Variants in ADCY2 observed in about 807,000 individuals in gnomAD.
ADCY2 encodes adenylate cyclase type 2.
In ADCY2, 31 loss-of-function variants were observed where a neutral mutation model predicts 125.2. The ratio of observed to expected loss-of-function variants is 0.25; its 90% CI spans 0.19 to 0.33. The LOEUF (loss-of-function observed/expected upper bound fraction) is 0.33, where lower values mean the gene tolerates loss of function less well. ADCY2 is among the 10% of genes least tolerant of loss of function. The probability of loss-of-function intolerance (pLI) is 1.00; values close to 1 mark genes in which losing one functional copy is unlikely to be tolerated. For synonymous variants in ADCY2, 512 were observed against 548.4 expected, an observed-to-expected ratio of 0.93 and a Z score of 0.93; for missense variants, 904 against 1,418.2, an observed-to-expected ratio of 0.64 and a Z score of 5.82.
chr5:7,793,380 G>A (rs988771318), intron 20 of ADCY2, among the ~76,000 whole-genome samples: 1 of 152,214 alleles, frequency 6.6e-6, no homozygotes, highest in African/African-American at 2.4e-5. Context: ...CAACCCAGGA[G>A]GCAGAAATTG....
At chr5:7,594,659 T>G (rs1275966951) in intron 3 of ADCY2, among the ~76,000 whole-genome samples, 1 of 152,226 alleles carries the variant, frequency 6.6e-6, no homozygotes, top group Non-Finnish European at 1.5e-5. Context: ...TAAATCTTGA[T>G]GAGAGCAGGG....
intron 4 of ADCY2, among the ~76,000 whole-genome samples, chr5:7,655,680 G>T (rs888165253): frequency 1.3e-5 from 2 of 152,202 alleles, no homozygotes; most frequent in Non-Finnish European, 2.9e-5. Flanking sequence ...CAGAAATCAT[G>T]GCTCATCTGG....
rs1003022825 is a variant in ADCY2, at chr5:7,518,155, G to C, written c.409-2583G>C. ...AAAGAAACCTTTCTGATAGCTCAGTGGTTCTCAGTCAGATTCGTTGGAGAC... is the reference window on the plus strand; with the variant it reads ...AAAGAAACCTTTCTGATAGCTCAGTCGTTCTCAGTCAGATTCGTTGGAGAC... On this transcript the variant is annotated intron_variant, in intron 2 of 24. Coordinates refer to ENST00000338316, the MANE Select transcript of ADCY2 (RefSeq NM_020546.3). Among the ~76,000 whole-genome samples the C allele has an allele frequency of 8.5e-5, 13 of 152,176 alleles. No individual in the cohort carries two copies. The South Asian group carries it at 1.0e-3, about 12-fold the overall frequency.
intron 2 of ADCY2, among the ~76,000 whole-genome samples, chr5:7,473,515 C>T (rs925340522): frequency 2.0e-5 from 3 of 152,158 alleles, no homozygotes; most frequent in African/African-American, 7.2e-5. Context: ...TAGGCCCTGC[C>T]TCCAACATTG....
chr5:7,714,345 T>C (rs1741531280), intron 11 of ADCY2, among the ~76,000 whole-genome samples: 1 of 152,240 alleles, frequency 6.6e-6, no homozygotes, highest in Admixed American at 6.5e-5. Flanking sequence ...AGTCTATTTA[T>C]AGAAGTTACG....
chr5:7,521,978 A>G (rs17827008), intron 3 of ADCY2, among the ~76,000 whole-genome samples: 12,666 of 152,146 alleles, frequency 0.083, 744 homozygotes, highest in Non-Finnish European at 0.13. Context: ...TTGTTTGGAT[A>G]TTACTAAGAA....
At chr5:7,550,436 A>G (rs2126572955) in intron 3 of ADCY2, among the ~76,000 whole-genome samples, 1 of 152,316 alleles carries the variant, frequency 6.6e-6, no homozygotes, top group Non-Finnish European at 1.5e-5. Flanking sequence ...GTTCTATGGG[A>G]ATATCTCAAT....
intron 2 of ADCY2, among the ~76,000 whole-genome samples, chr5:7,472,844 C>T (rs1009440133): frequency 1.3e-5 from 2 of 152,072 alleles, no homozygotes; most frequent in African/African-American, 4.8e-5. Context: ...TATACTGGTT[C>T]CTGCTCCACT....
chr5:7,785,062 T>A (rs1362780787), intron 19 of ADCY2, among the ~76,000 whole-genome samples: 1 of 152,234 alleles, frequency 6.6e-6, no homozygotes. Context: ...ACTACAAGAC[T>A]CATCTGAAGC....
At chr5:7,772,150 G>C (rs1374823687) in intron 17 of ADCY2, among the ~76,000 whole-genome samples, 1 of 152,182 alleles carries the variant, frequency 6.6e-6, no homozygotes, top group Non-Finnish European at 1.5e-5. Context: ...AAGCAAGTTA[G>C]GTCACTGGCT....
chr5:7,495,324 G>C (rs1209949645), intron 2 of ADCY2, among the ~76,000 whole-genome samples: 1 of 152,140 alleles, frequency 6.6e-6, no homozygotes, highest in Non-Finnish European at 1.5e-5. Flanking sequence ...TCTGTGTCAG[G>C]AATTTCGAGC....
chr5:7,829,883 G>A lies in ADCY2; in HGVS notation c.*3012G>A, dbSNP rs1579489957. The A allele has an allele frequency of 6.6e-6, 1 of 152,240 alleles. No homozygotes were observed. The highest frequency in any genetic ancestry group is 1.9e-4 in the East Asian group (1 of 5,162). 9.4% of individuals were successfully genotyped at this position (152,240 alleles called of 1,614,324 possible). The stretch of plus-strand genomic sequence containing the variant: ...ACTTAAGCCCAGGAGTCTGAGACCA[G>A]CCTGGGCAACATAGCAAGACCCCCA... On this transcript the variant is annotated 3_prime_UTR_variant, in exon 25 of 25. Coordinates refer to ENST00000338316, the MANE Select transcript of ADCY2 (RefSeq NM_020546.3).
At chr5:7,640,174 A>G (rs1393070573) in intron 4 of ADCY2, among the ~76,000 whole-genome samples, 2 of 152,240 alleles carry the variant, frequency 1.3e-5, no homozygotes, top group Non-Finnish European at 2.9e-5. Flanking sequence ...AGTACTTAAC[A>G]TAATTATTAT....
At chr5:7,706,036 A>G (rs1323673151) in intron 7 of ADCY2, among the ~76,000 whole-genome samples, 1 of 152,222 alleles carries the variant, frequency 6.6e-6, no homozygotes, top group Non-Finnish European at 1.5e-5. Flanking sequence ...CGATGTAACT[A>G]GGAACATCTT....
intron 3 of ADCY2, among the ~76,000 whole-genome samples, chr5:7,603,473 G>A (rs10041139): frequency 0.035 from 5,258 of 152,218 alleles, 303 homozygotes; most frequent in African/African-American, 0.12. Flanking sequence ...TTAACTCCCA[G>A]GTTGATAAAT....
At chr5:7,427,692 A>G (rs927719102) in intron 2 of ADCY2, among the ~76,000 whole-genome samples, 1 of 152,182 alleles carries the variant, frequency 6.6e-6, no homozygotes, top group Non-Finnish European at 1.5e-5. Context: ...CTTATTTCCA[A>G]ATAAGGTCAC....
chr5:7,783,392 G>T (rs1186286901), intron 18 of ADCY2, among the ~76,000 whole-genome samples: 1 of 152,108 alleles, frequency 6.6e-6, no homozygotes, highest in Non-Finnish European at 1.5e-5. Flanking sequence ...GGAAAGTGAC[G>T]TTTGAAGCGG....
chr5:7,763,905 G>T (rs892653711), intron 16 of ADCY2, among the ~76,000 whole-genome samples: 21 of 152,146 alleles, frequency 1.4e-4, no homozygotes, highest in African/African-American at 5.1e-4. Flanking sequence ...AGGCTGCCCT[G>T]ACCTGTCCCT....
At chr5:7,409,381 A>T (rs1739626532) in intron 1 of ADCY2, among the ~76,000 whole-genome samples, 1 of 152,234 alleles carries the variant, frequency 6.6e-6, no homozygotes, top group Non-Finnish European at 1.5e-5. Context: ...CCTGAACTTA[A>T]ATGTTAAAAA....
Sources: gnomAD v4.1 joint callset for allele counts (sites outside exome capture counted in the v4.1 genomes callset) on GRCh38, gnomAD v4.1.1 for gene constraint, MANE v1.5 for transcripts, NCBI Gene and HGNC (gene_info 2026-07-23, HGNC 2026-07-21) for gene names.